The following VPS13A variants were observed in gnomAD, a reference collection of about 807,000 sequenced individuals.
The protein encoded by VPS13A is intermembrane lipid transfer protein VPS13A.
A neutral mutation model predicts 390.9 loss-of-function variants in VPS13A; 264 were observed. The observed-to-expected ratio is 0.68, with a 90% confidence interval of 0.61 to 0.75. The LOEUF (loss-of-function observed/expected upper bound fraction) is 0.75, where lower values mean the gene tolerates loss of function less well. Ranked by LOEUF, VPS13A falls within the 30% of genes least tolerant of loss-of-function variation. The probability of loss-of-function intolerance (pLI) is 0.00; values close to 1 mark genes in which losing one functional copy is unlikely to be tolerated. For missense variants in VPS13A, 3,409 were observed against 3,733.9 expected (o/e 0.91, Z 2.27); for synonymous variants, 1,231 against 1,227.1 (o/e 1.00, Z -0.07).
rs746660463 is a variant in VPS13A at position 77,214,384 on chromosome 9, T to C, written c.752T>C (p.Phe251Ser). Reference sequence around the variant, plus strand: ...AATATTGTTCCAGAAGGTTATGATTTTGGTAAGTACATTTTATAAGATAAA... The same window carrying C: ...AATATTGTTCCAGAAGGTTATGATTCTGGTAAGTACATTTTATAAGATAAA... ...NENIVPEGYD[F>S]VFRPISANAK... is the part of the protein sequence containing the mutation. Residue 251 changes from phenylalanine to serine, a missense_variant and splice_region_variant, in exon 10 of 72, where the codon TTT becomes TCT. Phe to Ser is a radical substitution (Grantham distance 155). Around this residue, in one of 5 missense-constraint regions of VPS13A, gnomAD observed 2,717 missense variants for 2,917.4 expected, o/e 0.93. Transcript: ENST00000360280. The C allele has an allele frequency of 6.2e-7, 1 of 1,611,778 alleles. No individual in the cohort carries two copies. The highest frequency in any genetic ancestry group is 1.1e-5 in the South Asian group (1 of 91,016).
chr9:77,212,270 T>C (rs1271965540), intron 7 of VPS13A, among the ~76,000 whole-genome samples: 1 of 152,182 alleles, frequency 6.6e-6, no homozygotes, highest in Admixed American at 6.5e-5. Context: ...TTTACTTTTT[T>C]TCTCTGTCTG....
At chr9:77,399,181 T>TAAAAAAAAAAAAAAAAAAAAAAA (rs1223344360) in intron 68 of VPS13A, among the ~76,000 whole-genome samples, 4 of 34,960 alleles carry the variant, frequency 1.1e-4, no homozygotes, top group Non-Finnish European at 1.8e-4. Context: ...AAAAAAAAAA[T>TAAAAAAAAAAAAAAAAAAAAAAA]AAAAAAAAAA....
chr9:77,289,063 G>A (rs780228376), intron 31 of VPS13A, among the ~76,000 whole-genome samples: 4 of 152,058 alleles, frequency 2.6e-5, no homozygotes, highest in Non-Finnish European at 5.9e-5. Flanking sequence ...ATCTTTTTCT[G>A]TCCTTTAGCT....
chr9:77,337,567 GT>G (rs769165534), intron 47 of VPS13A, 30 bp downstream of exon 47: 8 of 1,595,722 alleles, frequency 5.0e-6, no homozygotes, highest in Non-Finnish European at 6.0e-6. Context: ...GTGCCTTCCT[GT>G]TTTTGATTTT....
At chr9:77,396,638 T>A (rs1432711965) in intron 68 of VPS13A, among the ~76,000 whole-genome samples, 1 of 152,176 alleles carries the variant, frequency 6.6e-6, no homozygotes, top group Non-Finnish European at 1.5e-5. Context: ...CACTCGAGTC[T>A]GAGGTTTGAA....
intron 67 of VPS13A, among the ~76,000 whole-genome samples, chr9:77,375,140 T>A (rs1400939773): frequency 3.3e-5 from 5 of 152,222 alleles, no homozygotes; most frequent in Non-Finnish European, 7.4e-5. Flanking sequence ...TGAAGGCTTC[T>A]TTCAAAAGCT....
At position 77,324,953 on chromosome 9, in the gene VPS13A, G is replaced by T. The variant is rs545161590; in HGVS notation, c.5991+1726G>T. On this transcript the variant is annotated intron_variant, in intron 45 of 71. Transcript: ENST00000360280. Reference sequence around the variant, plus strand: ...CATGGAAGACAATTTTTCCACGGGTGGGGGGCTGGGGCATATAGTCTCAGG... The same window carrying T: ...CATGGAAGACAATTTTTCCACGGGTTGGGGGCTGGGGCATATAGTCTCAGG... Among the ~76,000 whole-genome samples, 24 of 152,236 alleles carry T rather than the reference G, an allele frequency of 1.6e-4. No individual in the cohort carries two copies. In the East Asian group the frequency reaches 1.7e-3, roughly 11 times the overall value.
At chr9:77,332,685 A>G (rs1410383795) in intron 46 of VPS13A, among the ~76,000 whole-genome samples, 2 of 152,146 alleles carry the variant, frequency 1.3e-5, no homozygotes, top group Non-Finnish European at 2.9e-5. Flanking sequence ...TATCATAACA[A>G]GTAAGTATTA....
intron 6 of VPS13A, 134 bp from the exon 7 acceptor site, chr9:77,210,482 A>G: frequency 1.3e-6 from 1 of 783,484 alleles, no homozygotes. Flanking sequence ...GAGCTCAAGC[A>G]GTCCTCCTGC....
intron 7 of VPS13A, among the ~76,000 whole-genome samples, chr9:77,212,441 C>T (rs1826022889): frequency 6.6e-6 from 1 of 152,058 alleles, no homozygotes; most frequent in Non-Finnish European, 1.5e-5. Flanking sequence ...TATATAACAT[C>T]TCTTTATCCA....
chr9:77,290,112 A>G (rs1275594266), intron 31 of VPS13A, among the ~76,000 whole-genome samples: 2 of 152,158 alleles, frequency 1.3e-5, no homozygotes, highest in African/African-American at 4.8e-5. Context: ...CAGGTCTGCC[A>G]GTAATGACTT....
In VPS13A at chr9:77,261,863, C is replaced by T. The variant is rs139444170; in HGVS notation, c.2427+1639C>T. Reference sequence around the variant, plus strand: ...GGCTCCCAAGTACTGGGATTACAGGCGTGAGCCACTGTGCCCAGCCCAGAT... The same window carrying T: ...GGCTCCCAAGTACTGGGATTACAGGTGTGAGCCACTGTGCCCAGCCCAGAT... On this transcript the variant is annotated intron_variant, in intron 23 of 71. Coordinates refer to ENST00000360280, the MANE Select transcript of VPS13A (RefSeq NM_033305.3). Among the ~76,000 whole-genome samples the T allele has an allele frequency of 7.3e-3, 1,111 of 152,260 alleles. 14 individuals carry two copies. The highest frequency in any genetic ancestry group is 0.025 in the African/African-American group (1,038 of 41,556).
chr9:77,233,846 GA>G (rs773560029), intron 17 of VPS13A, among the ~76,000 whole-genome samples: 4 of 152,164 alleles, frequency 2.6e-5, no homozygotes, highest in Non-Finnish European at 5.9e-5. Flanking sequence ...TTGCACTTGA[GA>G]AGAATGTATT....
At chr9:77,212,606 G>C (rs1826031657) in intron 7 of VPS13A, among the ~76,000 whole-genome samples, 1 of 152,072 alleles carries the variant, frequency 6.6e-6, no homozygotes, top group African/African-American at 2.4e-5. Context: ...AAAGTGTTGG[G>C]ATTACAGGTG....
chr9:77,332,242 C>A, intron 46 of VPS13A, 129 bp downstream of exon 46: 1 of 695,042 alleles, frequency 1.4e-6, no homozygotes, highest in Non-Finnish European at 2.6e-6. Context: ...GGTTTCAGTG[C>A]ACTTAGATCT....
intron 71 of VPS13A, among the ~76,000 whole-genome samples, chr9:77,413,089 TA>T (rs1357753425): frequency 8.6e-5 from 13 of 152,026 alleles, no homozygotes; most frequent in Non-Finnish European, 1.9e-4. Flanking sequence ...CTCAGTGAAA[TA>T]AAAGAGGATA....
At chr9:77,392,797 T>G (rs1833952110) in intron 68 of VPS13A, among the ~76,000 whole-genome samples, 1 of 143,780 alleles carries the variant, frequency 7.0e-6, no homozygotes, top group South Asian at 2.3e-4. Context: ...ACACCTTAAT[T>G]TAAAAATACA....
At chr9:77,407,373 G>A (rs1273990254) in intron 70 of VPS13A, among the ~76,000 whole-genome samples, 160 bp from the exon 71 acceptor site, 1 of 152,050 alleles carries the variant, frequency 6.6e-6, no homozygotes, top group African/African-American at 2.4e-5. Context: ...TTTTCTATTG[G>A]TTTTGATTCT....
chr9:77,416,071 C>A lies in VPS13A; in HGVS notation c.*65C>A. The stretch of plus-strand genomic sequence containing the variant: ...ACAGCTCCTAGACTACCTTCCAAAA[C>A]CTGTTTGGGAAGCATATTACAGAAA... On this transcript the variant is annotated 3_prime_UTR_variant, in exon 72 of 72. Transcript: ENST00000360280. 6.4e-7 allele frequency: 1 copy of A among 1,569,328 alleles called. No individual in the cohort carries two copies. Among genetic ancestry groups the A allele is most frequent in the Non-Finnish European group, 8.8e-7 (1 of 1,139,870 alleles).
Sources: gnomAD v4.1 joint callset for allele counts (sites outside exome capture counted in the v4.1 genomes callset) on GRCh38, gnomAD v4.1.1 for gene constraint, gnomAD v4.1.1 regional missense constraint, MANE v1.5 for transcripts, NCBI Gene and HGNC (gene_info 2026-07-23, HGNC 2026-07-21) for gene names.